Variants in SERPIND1 observed in about 807,000 individuals in gnomAD.
SERPIND1 encodes the protein heparin cofactor 2.
A neutral mutation model predicts 35.0 loss-of-function variants in SERPIND1; 34 were observed. The ratio of observed to expected loss-of-function variants is 0.97; its 90% CI spans 0.74 to 1.29. The LOEUF (loss-of-function observed/expected upper bound fraction) is 1.29, where lower values mean the gene tolerates loss of function less well. Among genes scored for constraint, SERPIND1 ranks in the 50% most tolerant of loss-of-function variants. The pLI is 0.00. For missense variants in SERPIND1, 633 were observed against 637.7 expected (o/e 0.99, Z 0.08); for synonymous variants, 236 against 241.1 (o/e 0.98, Z 0.19).
In SERPIND1 at chr22:20,779,654, C is replaced by G. The variant is rs1472005448; in HGVS notation, c.342C>G (p.Leu114=). 3.1e-6 allele frequency: 5 copies of G among 1,614,004 alleles called. No individual in the cohort carries two copies. ...TDSDVSAGNI[L]QLFHGKSRIQ... ...CTGATGTGAGTGCTGGGAACATCCT[C>G]CAGCTTTTTCATGGCAAGAGCCGGA... Residue 114 remains leucine (L), a synonymous_variant, in exon 2 of 5, where the codon CTC becomes CTG. Transcript: ENST00000215727.
chr22:20,778,182 G>C (rs1933450621), intron 1 of SERPIND1, among the ~76,000 whole-genome samples: 1 of 152,126 alleles, frequency 6.6e-6, no homozygotes, highest in Non-Finnish European at 1.5e-5. Flanking sequence ...CTCAGCACTA[G>C]ACAAGTTCCA....
intron 1 of SERPIND1, 160 bp from the exon 2 acceptor site, chr22:20,779,137 C>T (rs535884992): frequency 3.3e-6 from 5 of 1,506,204 alleles, no homozygotes; most frequent in African/African-American, 2.8e-5. Flanking sequence ...TGTCTATCTA[C>T]ATCAGATTCT....
chr22:20,783,857 C>G, intron 2 of SERPIND1, 115 bp from the exon 3 acceptor site: 1 of 1,370,380 alleles, frequency 7.3e-7, no homozygotes, highest in Non-Finnish European at 1.0e-6. Context: ...ACTGTGGGGT[C>G]GGCTCTGCAG....
At chr22:20,778,020 G>C (rs573274624) in intron 1 of SERPIND1, among the ~76,000 whole-genome samples, 1 of 152,280 alleles carries the variant, frequency 6.6e-6, no homozygotes, top group South Asian at 2.1e-4. Flanking sequence ...TTCTAACCCT[G>C]TGTTAGAAGC....
At chr22:20,774,393 C>T (rs1933076729) in intron 1 of SERPIND1, among the ~76,000 whole-genome samples, 1 of 152,220 alleles carries the variant, frequency 6.6e-6, no homozygotes, top group Non-Finnish European at 1.5e-5. Flanking sequence ...TTAAATTAAT[C>T]GAATTGGATA....
At position 20,781,263 on chromosome 22, in the gene SERPIND1, G is replaced by A. The variant is rs539567255; in HGVS notation, c.889+1062G>A. Among the ~76,000 whole-genome samples the A allele has an allele frequency of 1.9e-4, 29 of 152,310 alleles. No individual in the cohort carries two copies. In the South Asian group the frequency reaches 5.4e-3, roughly 28 times the overall value. ...AAATATCCTCACCTGGACCAGACCA[G>A]AAGAAACCTCTACTTTACTCTCTAA... is the stretch of plus-strand genomic sequence containing the variant. On this transcript the variant is annotated intron_variant, in intron 2 of 4. Transcript: ENST00000215727.
chr22:20,779,618 C>A lies in SERPIND1; in HGVS notation c.306C>A (p.Ser102=). The A allele has an allele frequency of 6.2e-7, 1 of 1,614,138 alleles. No individual in the cohort carries two copies. Among genetic ancestry groups the A allele is most frequent in the South Asian group, 1.1e-5 (1 of 91,090 alleles). The stretch of plus-strand genomic sequence containing the variant: ...ACATCGTCGACAGTCTGTCAGTTTC[C>A]CCGACAGACTCTGATGTGAGTGCTG... The part of the protein sequence containing the change: ...YIDIVDSLSV[S]PTDSDVSAGN... The change falls in exon 2 of 5, where the codon TCC becomes TCA. Residue 102 remains serine (S), a synonymous_variant. Transcript: ENST00000215727.
At chr22:20,780,628 T>A (rs1195444361) in intron 2 of SERPIND1, among the ~76,000 whole-genome samples, 2 of 151,676 alleles carry the variant, frequency 1.3e-5, no homozygotes, top group Non-Finnish European at 2.9e-5. Flanking sequence ...ATACAAAAAT[T>A]AGCTGGGCCT....
rs768217416 is a variant in SERPIND1 at position 20,779,812 on chromosome 22, T to C, written c.500T>C (p.Leu167Ser). The C allele has an allele frequency of 3.7e-6, 6 of 1,614,240 alleles. No homozygotes were observed. In the South Asian group the frequency reaches 6.6e-5, roughly 18 times the overall value. ...TCTACTGCGATGGGTATGATTTCCTTAGGTCTGAAGGGAGAGACCCATGAA... is the reference window on the plus strand; with the variant it reads ...TCTACTGCGATGGGTATGATTTCCTCAGGTCTGAAGGGAGAGACCCATGAA... ...GISTAMGMISLGLKGETHEQV... is the reference protein window; with the variant it reads ...GISTAMGMISSGLKGETHEQV... The change falls in exon 2 of 5, where the codon TTA becomes TCA. Residue 167 changes from leucine (L) to serine (S), a missense_variant. Coordinates refer to ENST00000215727, the MANE Select transcript of SERPIND1 (RefSeq NM_000185.4).
At chr22:20,776,669 G>C (rs1187396130) in intron 1 of SERPIND1, among the ~76,000 whole-genome samples, 2 of 152,140 alleles carry the variant, frequency 1.3e-5, no homozygotes, top group Non-Finnish European at 2.9e-5. Flanking sequence ...GCTTGATGTG[G>C]GGCTTAGAGG....
chr22:20,785,066 T>C (rs945096040), intron 3 of SERPIND1, among the ~76,000 whole-genome samples: 2 of 146,510 alleles, frequency 1.4e-5, no homozygotes, highest in Non-Finnish European at 1.5e-5. Context: ...AGGGACTGCA[T>C]CTTTTTTTTT....
At chr22:20,783,533 C>T (rs1380307398) in intron 2 of SERPIND1, among the ~76,000 whole-genome samples, 2 of 152,008 alleles carry the variant, frequency 1.3e-5, no homozygotes, top group African/African-American at 2.4e-5. Flanking sequence ...AGGAGGATTC[C>T]TTGAGCCTGG....
chr22:20,781,865 C>T (rs1052871899), intron 2 of SERPIND1, among the ~76,000 whole-genome samples: 2 of 152,222 alleles, frequency 1.3e-5, no homozygotes, highest in Non-Finnish European at 2.9e-5. Context: ...ATCTCTATGA[C>T]TCAGTTTCCT....
chr22:20,787,271 C>G lies in SERPIND1; in HGVS notation c.*205C>G, dbSNP rs999694840. On this transcript the variant is annotated 3_prime_UTR_variant, in exon 5 of 5. Transcript: ENST00000215727. The stretch of plus-strand genomic sequence containing the variant: ...TGCACAATAGCCCATGCTGTAAGCT[C>G]ATAGAAGTCACTGTAACTGTAGTGT... 6 of 604,950 alleles carry G rather than the reference C, an allele frequency of 9.9e-6. No individual in the cohort carries two copies. The African/African-American group carries it at 1.1e-4, about 11-fold the overall frequency. The allele number at this position is 604,950 out of a possible 1,614,324, so 37.5% of individuals were successfully genotyped here.
intron 3 of SERPIND1, 109 bp downstream of exon 3, chr22:20,784,354 C>A: frequency 7.0e-7 from 1 of 1,427,540 alleles, no homozygotes; most frequent in Non-Finnish European, 9.7e-7. Context: ...GTACAAGTAC[C>A]CAAGAACTTC....
In SERPIND1 at chr22:20,777,066, T is replaced by C. The variant is rs866453828; in HGVS notation, c.-16-2231T>C. On this transcript the variant is annotated intron_variant, in intron 1 of 4. Coordinates refer to ENST00000215727, the MANE Select transcript of SERPIND1 (RefSeq NM_000185.4). Reference sequence around the variant, plus strand: ...TTGTTTTTTTTTTGTTTTCTGTTTTTTGAGATAAGGACTCACTCTATCCCC... The same window carrying C: ...TTGTTTTTTTTTTGTTTTCTGTTTTCTGAGATAAGGACTCACTCTATCCCC... Among the ~76,000 whole-genome samples, 6 of 152,248 alleles carry C rather than the reference T, an allele frequency of 3.9e-5. No homozygotes were observed. In the Middle Eastern group the frequency reaches 0.01, roughly 259 times the overall value.
Position 20,779,987 on chromosome 22 carries a change from T to C in SERPIND1, c.675T>C (p.Tyr225=), listed in dbSNP as rs1368379212. Residue 225 remains tyrosine (Y), a synonymous_variant, in exon 2 of 5, where the codon TAT becomes TAC. Transcript: ENST00000215727. ...CACTGCGGTCAGTCAATGACCTTTA[T>C]ATCCAGAAGCAGTTTCCAATCCTGC... is the stretch of plus-strand genomic sequence containing the variant. ...GYTLRSVNDL[Y]IQKQFPILLD... is the part of the protein sequence containing the mutation. 2 of 1,614,114 alleles carry C rather than the reference T, an allele frequency of 1.2e-6. No individual in the cohort carries two copies. Among genetic ancestry groups the C allele is most frequent in the African/African-American group, 2.7e-5 (2 of 74,952 alleles).
chr22:20,775,131 C>T (rs1462988677), intron 1 of SERPIND1, among the ~76,000 whole-genome samples: 1 of 151,728 alleles, frequency 6.6e-6, no homozygotes, highest in Non-Finnish European at 1.5e-5. Flanking sequence ...TGCTCTGATG[C>T]GTGACTGAAA....
In SERPIND1 at chr22:20,779,573, T is replaced by C. The variant is rs1933590141; in HGVS notation, c.261T>C (p.Ser87=). The change falls in exon 2 of 5, where the codon AGT becomes AGC. Residue 87 remains serine (S), a synonymous_variant. Coordinates refer to ENST00000215727, the MANE Select transcript of SERPIND1 (RefSeq NM_000185.4). ...DDYLDLEKIF[S]EDDDYIDIVD... ...ATCTGGACCTGGAGAAGATATTCAG[T>C]GAAGACGACGACTACATCGACATCG... 2 of 1,614,078 alleles carry C rather than the reference T, an allele frequency of 1.2e-6. No homozygotes were observed. Among genetic ancestry groups the C allele is most frequent in the Admixed American group, 1.7e-5 (1 of 60,008 alleles).
Sources: gnomAD v4.1 joint callset for allele counts (sites outside exome capture counted in the v4.1 genomes callset) on GRCh38, gnomAD v4.1.1 for gene constraint, MANE v1.5 for transcripts, NCBI Gene and HGNC (gene_info 2026-07-23, HGNC 2026-07-21) for gene names.